USP32: variants seen among roughly 807,000 people sequenced by gnomAD.
USP32 encodes the protein ubiquitin carboxyl-terminal hydrolase 32.
Under a neutral mutation model 204.8 loss-of-function variants are expected in USP32, and 59 were observed. The observed-to-expected ratio is 0.29, with a 90% CI of 0.23 to 0.36. The LOEUF (loss-of-function observed/expected upper bound fraction) is 0.36. USP32 is among the 10% of genes least tolerant of loss of function. USP32 has a pLI of 1.00. For synonymous variants in USP32, 517 were observed against 678.4 expected (o/e 0.76, Z 3.70); for missense variants, 1,160 against 1,946.4 (o/e 0.60, Z 7.60).
At chr17:60,204,049 G>A (rs2084759214) in intron 26 of USP32, among the ~76,000 whole-genome samples, 1 of 152,080 alleles carries the variant, frequency 6.6e-6, no homozygotes, top group Non-Finnish European at 1.5e-5. Context: ...CCACTGACCA[G>A]TTTTCAAACC....
chr17:60,254,971 T>C (rs1482268575), intron 10 of USP32, among the ~76,000 whole-genome samples: 2 of 151,958 alleles, frequency 1.3e-5, no homozygotes. Context: ...ATAATCTACA[T>C]CCCACTTTCC....
chr17:60,238,459 G>A (rs1021334061), intron 11 of USP32, among the ~76,000 whole-genome samples: 1 of 152,050 alleles, frequency 6.6e-6, no homozygotes, highest in Non-Finnish European at 1.5e-5. Flanking sequence ...CTTGAGCCCA[G>A]GAGTTCAAGA....
chr17:60,240,493 G>A (rs2085848208), intron 11 of USP32, among the ~76,000 whole-genome samples: 1 of 146,354 alleles, frequency 6.8e-6, no homozygotes, highest in Non-Finnish European at 1.5e-5. Context: ...GAGAAAAAAG[G>A]GAGAGAGAGA....
At chr17:60,270,824 A>G (rs56803720) in intron 6 of USP32, among the ~76,000 whole-genome samples, 138 of 127,538 alleles carry the variant, frequency 1.1e-3, no homozygotes, top group African/African-American at 4.2e-3. Context: ...ACTCTGCCTC[A>G]AAAAAAAAAA....
intron 3 of USP32, among the ~76,000 whole-genome samples, chr17:60,298,754 A>T (rs2087500692): frequency 6.6e-6 from 1 of 152,202 alleles, no homozygotes; most frequent in African/African-American, 2.4e-5. Context: ...CCAATACATA[A>T]AACTGGGTTT....
At chr17:60,337,511 G>T (rs138672235) in intron 2 of USP32, among the ~76,000 whole-genome samples, 2 of 151,990 alleles carry the variant, frequency 1.3e-5, no homozygotes, top group African/African-American at 4.8e-5. Context: ...TCAAATATTC[G>T]CTAAGTATAT....
chr17:60,397,866 TTTTAAGA>T (rs1415828826), intron 1 of USP32, among the ~76,000 whole-genome samples: 1 of 152,178 alleles, frequency 6.6e-6, no homozygotes, highest in Non-Finnish European at 1.5e-5. Context: ...TTGAAAACTC[TTTTAAGA>T]GTTTTACAGT....
chr17:60,394,341 T>C (rs1225041912), upstream of USP32, among the ~76,000 whole-genome samples: 1 of 152,196 alleles, frequency 6.6e-6, no homozygotes, highest in Non-Finnish European at 1.5e-5. Context: ...ACTACTATTA[T>C]TACTGTCCTA....
intron 27 of USP32, among the ~76,000 whole-genome samples, chr17:60,197,568 C>T (rs1024397674): frequency 6.6e-6 from 1 of 152,104 alleles, no homozygotes; most frequent in African/African-American, 2.4e-5. Flanking sequence ...CGTGCCATTG[C>T]ACTCCAATCC....
At position 60,185,618 on chromosome 17, in the gene USP32, G is replaced by A. The variant is rs772377523; in HGVS notation, c.3676C>T (p.Arg1226Trp). 4.2e-5 allele frequency: 67 copies of A among 1,611,712 alleles called. No homozygotes were observed. The highest frequency in any genetic ancestry group is 5.3e-5 in the Non-Finnish European group (63 of 1,179,752). ...TTGATGGGCTCGGCTTGCGCTCGCC[G>A]ACTCTGCTCCACACTCTCATGCTCA... is the stretch of plus-strand genomic sequence containing the variant. ...VDEHESVEQSRRAQAEPINLD... is the reference protein window; with the variant it reads ...VDEHESVEQSWRAQAEPINLD... Residue 1226 changes from arginine (R) to tryptophan (W), a missense_variant, in exon 30 of 34, where the codon CGG becomes TGG. By Grantham distance (101) the Arg-to-Trp change is moderately radical (BLOSUM62 -3). Coordinates refer to ENST00000300896, the MANE Select transcript of USP32 (RefSeq NM_032582.4).
Position 60,210,387 on chromosome 17 carries a change from T to C in USP32, c.2424+626A>G, listed in dbSNP as rs369916515. 4.8e-4 allele frequency among the ~76,000 whole-genome samples: 73 copies of C among 152,154 alleles called. No homozygotes were observed. In the East Asian group the frequency reaches 0.012, roughly 25 times the overall value. ...AGTACAGTGGTGCGATCTTGGCTCA[T>C]TGCAAACACCACCTCCCAGGTTCAA... On this transcript the variant is annotated intron_variant, in intron 21 of 33. Transcript: ENST00000300896.
At chr17:60,417,892 C>A (rs1017276782) in intron 1 of USP32, among the ~76,000 whole-genome samples, 4 of 151,788 alleles carry the variant, frequency 2.6e-5, no homozygotes, top group African/African-American at 4.8e-5. Flanking sequence ...TGGGTTCAAG[C>A]GATTCTCCTG....
rs552142002 is a variant in USP32 at position 60,385,274 on chromosome 17, A to T, written c.58+6608T>A. ...TCCACTACCCACCCAAATCCTATAA[A>T]ACAGCCCCATCCCTATCTCCCTTCG... On this transcript the variant is annotated intron_variant, in intron 1 of 33. Transcript: ENST00000300896. Among the ~76,000 whole-genome samples, 865 of 152,198 alleles carry T rather than the reference A, an allele frequency of 5.7e-3. 8 individuals are homozygous for T. The highest frequency in any genetic ancestry group is 0.018 in the South Asian group (85 of 4,816).
chr17:60,292,225 T>G (rs1244343830), intron 4 of USP32, among the ~76,000 whole-genome samples: 1 of 152,154 alleles, frequency 6.6e-6, no homozygotes, highest in Non-Finnish European at 1.5e-5. Flanking sequence ...TTGAGTCCTC[T>G]TCATCTCTCC....
intron 1 of USP32, among the ~76,000 whole-genome samples, chr17:60,347,930 G>A (rs769190238): frequency 3.2e-4 from 48 of 151,778 alleles, no homozygotes; most frequent in Non-Finnish European, 6.0e-4. Context: ...AGACCATCCT[G>A]GCTAGCACAA....
intron 1 of USP32, among the ~76,000 whole-genome samples, chr17:60,381,828 A>C (rs913349554): frequency 5.3e-5 from 8 of 152,242 alleles, no homozygotes; most frequent in African/African-American, 1.7e-4. Flanking sequence ...TGCAAAATTA[A>C]GATACAGAAC....
At chr17:60,286,285 G>A (rs1404399780) in intron 5 of USP32, among the ~76,000 whole-genome samples, 1 of 152,124 alleles carries the variant, frequency 6.6e-6, no homozygotes, top group Non-Finnish European at 1.5e-5. Context: ...CTCAGAATAT[G>A]GCCTTATTTG....
rs1385555123 is a variant in USP32 at position 60,178,317 on chromosome 17, T to C, written c.*938A>G. 6.6e-6 allele frequency among the ~76,000 whole-genome samples: 1 copy of C among 152,240 alleles called. No individual in the cohort carries two copies. ...AAACACAGAAAAGAACAACCACTAA[T>C]TGTGAAACGTGATCTAGCTCCAATG... On this transcript the variant is annotated 3_prime_UTR_variant, in exon 34 of 34. Transcript: ENST00000300896.
At chr17:60,282,225 A>C (rs1187600299) in intron 5 of USP32, among the ~76,000 whole-genome samples, 4 of 152,232 alleles carry the variant, frequency 2.6e-5, no homozygotes, top group Non-Finnish European at 2.9e-5. Context: ...ACTGAATGCT[A>C]ATCAATGTTC....
Sources: allele counts gnomAD v4.1 joint callset (sites outside exome capture counted in the v4.1 genomes callset), GRCh38; gene constraint gnomAD v4.1.1; transcripts MANE v1.5; gene names NCBI Gene and HGNC (gene_info 2026-07-23, HGNC 2026-07-21).